MAP3K1: variants seen among roughly 807,000 people sequenced by gnomAD.
MAP3K1 encodes MAP/ERK kinase kinase 1.
Under a neutral mutation model 144.2 loss-of-function variants are expected in MAP3K1, and 36 were observed. That is an observed-to-expected ratio of 0.25 (90% CI 0.19 to 0.33). MAP3K1 has a LOEUF of 0.33. MAP3K1 is among the 10% of genes least tolerant of loss of function. The probability of loss-of-function intolerance (pLI) is 1.00; values close to 1 mark genes in which losing one functional copy is unlikely to be tolerated. For synonymous variants in MAP3K1, 718 were observed against 688.7 expected (o/e 1.04, Z -0.67); for missense variants, 1,650 against 1,881.9 (o/e 0.88, Z 2.28).
intron 1 of MAP3K1, 24 bp from the exon 2 acceptor site, chr5:56,856,571 CATTTT>C: frequency 6.3e-7 from 1 of 1,584,626 alleles, no homozygotes; most frequent in Non-Finnish European, 8.7e-7. Context: ...ATACATTTCT[CATTTT>C]ATTTGTTTCT....
chr5:56,820,915 C>G, intron 1 of MAP3K1: 1 of 479,678 alleles, frequency 2.1e-6, no homozygotes, highest in Non-Finnish European at 2.7e-6. Flanking sequence ...CAAACTATTT[C>G]TGCCTATTTT....
intron 19 of MAP3K1, among the ~76,000 whole-genome samples, chr5:56,888,850 G>A (rs181382904): frequency 4.5e-4 from 68 of 152,294 alleles, no homozygotes; most frequent in Admixed American, 1.2e-3. Context: ...GGTTTATCAC[G>A]ACATAACCTC....
At chr5:56,819,438 C>CAA (rs11289212) in intron 1 of MAP3K1, among the ~76,000 whole-genome samples, 1 of 150,754 alleles carries the variant, frequency 6.6e-6, no homozygotes, top group Non-Finnish European at 1.5e-5. Flanking sequence ...TCAACAAGAG[C>CAA]AAAAAAAAAA....
chr5:56,815,651 C>G lies in MAP3K1; in HGVS notation c.78C>G (p.Gly26=), dbSNP rs2111725418. ...GGGCTACGAGCCCTGAGGCAGGCGGCGGCGGAGGAGCCCTCAAGGCGAGCA... is the reference window on the plus strand; with the variant it reads ...GGGCTACGAGCCCTGAGGCAGGCGGGGGCGGAGGAGCCCTCAAGGCGAGCA... The part of the protein sequence containing the change: ...GARATSPEAG[G]GGGALKASSA... Residue 26 remains glycine (G), a synonymous_variant, in exon 1 of 20, where the codon GGC becomes GGG. Coordinates refer to ENST00000399503, the MANE Select transcript of MAP3K1 (RefSeq NM_005921.2). 1 of 1,334,522 alleles carries G rather than the reference C, an allele frequency of 7.5e-7. No individual in the cohort carries two copies. Among genetic ancestry groups the G allele is most frequent in the Non-Finnish European group, 9.6e-7 (1 of 1,042,298 alleles). 82.7% of individuals were successfully genotyped at this position (1,334,522 alleles called of 1,614,324 possible). A position where few individuals can be genotyped will look rare whatever the true frequency, so the allele number is the denominator to read the frequency against.
chr5:56,864,820 T>C lies in MAP3K1; in HGVS notation c.921T>C (p.Arg307=). The C allele has an allele frequency of 6.2e-7, 1 of 1,614,078 alleles. No homozygotes were observed. The highest frequency in any genetic ancestry group is 8.5e-7 in the Non-Finnish European group (1 of 1,180,018). ...SPYSPEETNR[R]VNKVMRARLY... is the part of the protein sequence containing the mutation. ...ATAGCCCTGAGGAAACAAACCGCCG[T>C]GTTAACAAAGTGATGCGGGCCAGAC... The change falls in exon 4 of 20, where the codon CGT becomes CGC. Residue 307 remains arginine (R), a synonymous_variant. Transcript: ENST00000399503.
intron 1 of MAP3K1, among the ~76,000 whole-genome samples, chr5:56,834,267 G>C (rs535994727): frequency 3.3e-4 from 51 of 152,316 alleles, no homozygotes; most frequent in African/African-American, 1.2e-3. Flanking sequence ...GCTAGGAACT[G>C]AGTGAGCCCT....
chr5:56,876,245 A>T (rs1043822851), intron 10 of MAP3K1, among the ~76,000 whole-genome samples: 1 of 152,122 alleles, frequency 6.6e-6, no homozygotes, highest in Admixed American at 6.5e-5. Flanking sequence ...CCCATTAGAT[A>T]CCAGGAGCAA....
At chr5:56,868,396 C>T (rs832578) in intron 6 of MAP3K1, among the ~76,000 whole-genome samples, 114,317 of 151,886 alleles carry the variant, frequency 0.75, 43,542 homozygotes, top group Non-Finnish European at 0.82. Flanking sequence ...TTTCTTTTCT[C>T]TTTTTTTAGA....
At chr5:56,824,278 G>T (rs991326642) in intron 1 of MAP3K1, among the ~76,000 whole-genome samples, 1 of 152,210 alleles carries the variant, frequency 6.6e-6, no homozygotes. Flanking sequence ...AGCAGCCAAA[G>T]GACCTGTAAC....
At chr5:56,827,885 G>A (rs1746369004) in intron 1 of MAP3K1, among the ~76,000 whole-genome samples, 1 of 151,928 alleles carries the variant, frequency 6.6e-6, no homozygotes, top group African/African-American at 2.4e-5. Context: ...AAGAACCTGG[G>A]CCCTAGGAAT....
chr5:56,876,269 C>G (rs1469470887), intron 10 of MAP3K1, among the ~76,000 whole-genome samples: 1 of 151,976 alleles, frequency 6.6e-6, no homozygotes, highest in African/African-American at 2.4e-5. Context: ...CACCCCCACC[C>G]GATCATGCCC....
rs1217351033 is a variant in MAP3K1, at chr5:56,856,762, T to G, written c.633+12T>G. 8 of 1,613,686 alleles carry G rather than the reference T, an allele frequency of 5.0e-6. No homozygotes were observed. The highest frequency in any genetic ancestry group is 6.8e-6 in the Non-Finnish European group (8 of 1,179,648). On this transcript the variant is annotated intron_variant, in intron 2 of 19. Coordinates refer to ENST00000399503, the MANE Select transcript of MAP3K1 (RefSeq NM_005921.2). ...GGCGAGGGCCTGTGGTAAGTGGCTA[T>G]GGGTTACCAGTTATAAGGAAGAAAG...
chr5:56,853,004 TAAA>T (rs796131514), intron 1 of MAP3K1, among the ~76,000 whole-genome samples: 1 of 152,274 alleles, frequency 6.6e-6, no homozygotes, highest in African/African-American at 2.4e-5. Context: ...TACAAGTATG[TAAA>T]AAAATTTTTC....
Position 56,882,885 on chromosome 5 carries a change from A to G in MAP3K1, c.3666+19A>G, listed in dbSNP as rs1748268408. ...ACAGGATGTAAGTATAGATTCTTTAAGAGGTTAGAAAACTTCCTTGGGGCT... is the reference window on the plus strand; with the variant it reads ...ACAGGATGTAAGTATAGATTCTTTAGGAGGTTAGAAAACTTCCTTGGGGCT... On this transcript the variant is annotated intron_variant, in intron 14 of 19. Transcript: ENST00000399503. The G allele has an allele frequency of 1.9e-6, 3 of 1,594,700 alleles. No homozygotes were observed. Among genetic ancestry groups the G allele is most frequent in the Non-Finnish European group, 2.6e-6 (3 of 1,171,934 alleles).
At chr5:56,819,397 A>G (rs1219199685) in intron 1 of MAP3K1, among the ~76,000 whole-genome samples, 3 of 151,256 alleles carry the variant, frequency 2.0e-5, no homozygotes. Context: ...CAGATTTCAA[A>G]ATGTGGGAAG....
At chr5:56,889,151 T>A (rs1231636569) in intron 19 of MAP3K1, among the ~76,000 whole-genome samples, 1 of 152,150 alleles carries the variant, frequency 6.6e-6, no homozygotes, top group Non-Finnish European at 1.5e-5. Context: ...TAATTTACCA[T>A]TTTCTTTTGT....
intron 16 of MAP3K1, 26 bp from the exon 17 acceptor site, chr5:56,885,906 T>C: frequency 6.2e-7 from 1 of 1,605,938 alleles, no homozygotes. Flanking sequence ...CTTAAGTTTA[T>C]GATAATTATT....
At position 56,815,812 on chromosome 5, in the gene MAP3K1, T is replaced by C. The variant is rs1400467225; in HGVS notation, c.239T>C (p.Leu80Pro). 2.8e-6 allele frequency: 4 copies of C among 1,422,508 alleles called. No individual in the cohort carries two copies. Among genetic ancestry groups the C allele is most frequent in the Non-Finnish European group, 3.7e-6 (4 of 1,085,006 alleles). The allele number at this position is 1,422,508 out of a possible 1,614,324, so 88.1% of individuals were successfully genotyped here. A position where few individuals can be genotyped will look rare whatever the true frequency, so the allele number is the denominator to read the frequency against. The change falls in exon 1 of 20, where the codon CTT becomes CCT. Residue 80 changes from leucine to proline, a missense_variant. This residue lies in a region of MAP3K1 where 360 missense variants were observed against 274.7 expected (regional missense o/e 1.31). Transcript: ENST00000399503. The stretch of plus-strand genomic sequence containing the variant: ...CAGCTGCCTGAGCAGCCGCTCTTCC[T>C]TGCCGCCTCACCGCCGGCCTCCTCG... The part of the protein sequence containing the change: ...LDQLPEQPLF[L>P]AASPPASSTS...
chr5:56,872,656 G>A lies in MAP3K1; in HGVS notation c.1439G>A (p.Arg480Lys). ...HCMSIWAEEC[R>K]RNREPLICPL... ...AATTTTTCAGGGGCAGAAGAGTGTA[G>A]AAGAAATAGAGAACCTTTAATATGT... Residue 480 changes from arginine (R) to lysine (K), a missense_variant, in exon 8 of 20, where the codon AGA becomes AAA. Arg to Lys is a conservative substitution (Grantham distance 26). This residue lies in a region of MAP3K1 where 125 missense variants were observed against 179.9 expected (regional missense o/e 0.69). Transcript: ENST00000399503. 1 of 1,602,364 alleles carries A rather than the reference G, an allele frequency of 6.2e-7. No homozygotes were observed. The highest frequency in any genetic ancestry group is 1.1e-5 in the South Asian group (1 of 90,724).
Sources: allele counts gnomAD v4.1 joint callset (sites outside exome capture counted in the v4.1 genomes callset), GRCh38; gene constraint gnomAD v4.1.1; regional missense constraint gnomAD v4.1.1; transcripts MANE v1.5; gene names NCBI Gene and HGNC (gene_info 2026-07-23, HGNC 2026-07-21).